ZNF385D: variants seen among roughly 807,000 people sequenced by gnomAD.
The protein encoded by ZNF385D is zinc finger protein 659.
Under a neutral mutation model 35.8 loss-of-function variants are expected in ZNF385D, and 15 were observed. The ratio of observed to expected loss-of-function variants is 0.42; its 90% CI spans 0.28 to 0.64. The LOEUF is 0.64. ZNF385D is among the 30% of genes least tolerant of loss of function. The pLI, the probability that ZNF385D is intolerant of heterozygous loss-of-function variation, is 0.23. For missense variants in ZNF385D, 474 were observed against 494.6 expected (o/e 0.96, Z 0.39); for synonymous variants, 212 against 186.8 (o/e 1.13, Z -1.10).
chr3:21,507,433 T>C (rs188315252), intron 4 of ZNF385D, among the ~76,000 whole-genome samples: 8 of 152,308 alleles, frequency 5.3e-5, no homozygotes, highest in African/African-American at 1.4e-4. Context: ...TGTGATTTCA[T>C]GTGTCTCTAT....
intron 2 of ZNF385D, among the ~76,000 whole-genome samples, chr3:22,180,938 A>C (rs1374462449): frequency 1.6e-5 from 1 of 62,024 alleles, no homozygotes; most frequent in Non-Finnish European, 3.0e-5. Flanking sequence ...TTTAAGAGAC[A>C]GCTTTGCTTT....
chr3:21,432,608 GA>G (rs1390557242), intron 5 of ZNF385D, among the ~76,000 whole-genome samples: 1 of 151,476 alleles, frequency 6.6e-6, no homozygotes, highest in Non-Finnish European at 1.5e-5. Flanking sequence ...TTTGTGGGGG[GA>G]AATTTTTTTA....
In ZNF385D at chr3:21,784,812, C is replaced by G. The variant is rs138215761; in HGVS notation, c.326-119784G>C. Among the ~76,000 whole-genome samples, 215 of 152,208 alleles carry G rather than the reference C, an allele frequency of 1.4e-3. 1 individual carries two copies. The highest frequency in any genetic ancestry group is 5.1e-3 in the African/African-American group (210 of 41,540). On this transcript the variant is annotated intron_variant, in intron 3 of 5. Transcript: ENST00000494108. The stretch of plus-strand genomic sequence containing the variant: ...GACAGGGTCAATTTTAGTGATGTCT[C>G]TCCCTGCCTTAGGCTCCAACATGGC...
At chr3:21,961,219 G>T (rs1253241168) in intron 3 of ZNF385D, among the ~76,000 whole-genome samples, 3 of 151,822 alleles carry the variant, frequency 2.0e-5, no homozygotes, top group Non-Finnish European at 2.9e-5. Flanking sequence ...AAAAATAAAA[G>T]AAAATAATTT....
At chr3:21,456,788 T>C (rs1702852901) in intron 4 of ZNF385D, among the ~76,000 whole-genome samples, 1 of 152,164 alleles carries the variant, frequency 6.6e-6, no homozygotes, top group African/African-American at 2.4e-5. Flanking sequence ...CTCTGCCATC[T>C]GTCTGGAATG....
At chr3:21,700,178 G>A (rs1018545183) in intron 1 of ZNF385D, among the ~76,000 whole-genome samples, 3 of 152,040 alleles carry the variant, frequency 2.0e-5, no homozygotes, top group Non-Finnish European at 4.4e-5. Flanking sequence ...GCTAGAGAAT[G>A]TCGGGGCCAG....
chr3:21,887,855 T>A (rs1402190720), intron 3 of ZNF385D, among the ~76,000 whole-genome samples: 1 of 152,140 alleles, frequency 6.6e-6, no homozygotes, highest in African/African-American at 2.4e-5. Flanking sequence ...CATGGTTAAT[T>A]AATTGATAGA....
chr3:21,591,135 G>T (rs1457372151), intron 2 of ZNF385D, among the ~76,000 whole-genome samples: 3 of 152,060 alleles, frequency 2.0e-5, no homozygotes, highest in Non-Finnish European at 2.9e-5. Context: ...TGTTCAACCT[G>T]CAGTGAGCCA....
intron 3 of ZNF385D, among the ~76,000 whole-genome samples, chr3:21,768,187 G>T (rs2070914776): frequency 6.6e-6 from 1 of 151,986 alleles, no homozygotes; most frequent in Admixed American, 6.6e-5. Context: ...TTTTGATTAT[G>T]AAAAAGGACA....
chr3:22,049,426 G>A (rs2620561), intron 3 of ZNF385D, among the ~76,000 whole-genome samples: 35,569 of 150,738 alleles, frequency 0.24, 5,117 homozygotes, highest in Middle Eastern at 0.34. Context: ...TTTTTTTGGC[G>A]GATTCTTTGT....
At chr3:21,446,487 C>CTTTTTTTTTTTT (rs71044918) in intron 4 of ZNF385D, among the ~76,000 whole-genome samples, 4 of 91,874 alleles carry the variant, frequency 4.4e-5, no homozygotes, top group Non-Finnish European at 6.0e-5. Flanking sequence ...AATCAATGAA[C>CTTTTTTTTTTTT]TTTTTTTTTT....
intron 3 of ZNF385D, among the ~76,000 whole-genome samples, chr3:22,132,178 G>A (rs932780279): frequency 6.6e-6 from 1 of 152,064 alleles, no homozygotes; most frequent in Non-Finnish European, 1.5e-5. Context: ...ATGGTATTTG[G>A]AGGCAGGATC....
chr3:21,686,624 GAAAACCAGTGTGTATTTTGCACT>G (rs2067114017), intron 1 of ZNF385D, among the ~76,000 whole-genome samples: 1 of 152,146 alleles, frequency 6.6e-6, no homozygotes, highest in South Asian at 2.1e-4. Flanking sequence ...CAAAGCCTTT[GAAAACCAGTGTGTATTTTGCACT>G]TACATACAGC....
At chr3:22,189,856 A>T (rs186523859) in intron 2 of ZNF385D, among the ~76,000 whole-genome samples, 1 of 152,284 alleles carries the variant, frequency 6.6e-6, no homozygotes, top group African/African-American at 2.4e-5. Flanking sequence ...TCCTGTTGAA[A>T]GTGTCCTGTT....
chr3:22,064,177 T>C (rs1027559275), intron 3 of ZNF385D, among the ~76,000 whole-genome samples: 1 of 152,176 alleles, frequency 6.6e-6, no homozygotes, highest in Non-Finnish European at 1.5e-5. Flanking sequence ...GTCTTGTCTT[T>C]CATGGTGATT....
chr3:21,633,340 G>C (rs1311621888), intron 2 of ZNF385D, among the ~76,000 whole-genome samples: 1 of 151,912 alleles, frequency 6.6e-6, no homozygotes, highest in Non-Finnish European at 1.5e-5. Context: ...CTTTAAATTG[G>C]AGTATGTAAA....
At chr3:22,296,189 T>C (rs1381188330) in intron 2 of ZNF385D, among the ~76,000 whole-genome samples, 2 of 152,184 alleles carry the variant, frequency 1.3e-5, no homozygotes, top group African/African-American at 2.4e-5. Context: ...ATTGCTACAA[T>C]ACTACCCTCA....
At position 22,237,852 on chromosome 3, in the gene ZNF385D, C is replaced by A. The variant is rs184418077; in HGVS notation, c.107-68817G>T. ...AGAGGTGGGGTTTCACCACATTCGC[C>A]ATGATGGTCTCGATCTCCTGATCTT... is the stretch of plus-strand genomic sequence containing the variant. On this transcript the variant is annotated intron_variant, in intron 2 of 5. Transcript: ENST00000494108. 4.6e-4 allele frequency among the ~76,000 whole-genome samples: 70 copies of A among 151,390 alleles called. 4 individuals are homozygous for A. The East Asian group carries it at 0.013, about 29-fold the overall frequency.
At chr3:21,594,729 T>G (rs1310440639) in intron 2 of ZNF385D, among the ~76,000 whole-genome samples, 1 of 152,166 alleles carries the variant, frequency 6.6e-6, no homozygotes, top group East Asian at 1.9e-4. Flanking sequence ...TGCCAAACAA[T>G]TTTTAAACTT....
Sources: gnomAD v4.1 joint callset for allele counts (sites outside exome capture counted in the v4.1 genomes callset) on GRCh38, gnomAD v4.1.1 for gene constraint, MANE v1.5 for transcripts, NCBI Gene and HGNC (gene_info 2026-07-23, HGNC 2026-07-21) for gene names.